GRAMD1B: variants seen among roughly 807,000 people sequenced by gnomAD.
The protein encoded by GRAMD1B is GRAM domain containing 1B.
GRAMD1B carries 37 observed loss-of-function variants against 99.7 expected under a neutral mutation model. That is an observed-to-expected ratio of 0.37 (90% CI 0.29 to 0.49). GRAMD1B has a LOEUF of 0.49. Among genes scored for constraint, GRAMD1B ranks in the 20% least tolerant of loss-of-function variants. The probability of loss-of-function intolerance (pLI) is 0.98; values close to 1 mark genes in which losing one functional copy is unlikely to be tolerated. For synonymous variants in GRAMD1B, 427 were observed against 387.6 expected, an observed-to-expected ratio of 1.10 and a Z score of -1.19; for missense variants, 888 against 1,009.2, an observed-to-expected ratio of 0.88 and a Z score of 1.63.
At chr11:123,458,006 A>G (rs1056722758) in intron 1 of GRAMD1B, among the ~76,000 whole-genome samples, 2 of 152,216 alleles carry the variant, frequency 1.3e-5, no homozygotes, top group African/African-American at 2.4e-5. Flanking sequence ...GTAAGCCACC[A>G]TGCCTGGCTG....
intron 1 of GRAMD1B, among the ~76,000 whole-genome samples, chr11:123,413,649 T>C (rs1478363701): frequency 6.6e-6 from 1 of 152,134 alleles, no homozygotes; most frequent in East Asian, 1.9e-4. Flanking sequence ...CTTCAACCCA[T>C]AGGTCTTCGC....
chr11:123,403,834 G>A (rs540925253), intron 1 of GRAMD1B, among the ~76,000 whole-genome samples: 153 of 152,150 alleles, frequency 1.0e-3, no homozygotes, highest in Non-Finnish European at 1.1e-3. Flanking sequence ...GTGAGCCACC[G>A]CGCCCGGCCT....
At position 123,594,820 on chromosome 11, in the gene GRAMD1B, C is replaced by T. The variant is rs1291804569; in HGVS notation, c.855C>T (p.Ile285=). 3.8e-6 allele frequency: 6 copies of T among 1,592,772 alleles called. No homozygotes were observed. Among genetic ancestry groups the T allele is most frequent in the Non-Finnish European group, 5.2e-6 (6 of 1,160,624 alleles). Residue 285 remains isoleucine, a synonymous_variant, in exon 6 of 20, where the codon ATC becomes ATT. Coordinates refer to ENST00000635736, the MANE Select transcript of GRAMD1B (RefSeq NM_001387025.1). ...SENWICFYSN[I]FRWETLLTVR... is the part of the protein sequence containing the mutation. ...ATTGGATCTGCTTCTACAGCAACATCTTCCGCTGGGAAACTCTGGTAAAGA... is the reference window on the plus strand; with the variant it reads ...ATTGGATCTGCTTCTACAGCAACATTTTCCGCTGGGAAACTCTGGTAAAGA...
intron 1 of GRAMD1B, among the ~76,000 whole-genome samples, chr11:123,402,488 G>C (rs991725471): frequency 7.2e-5 from 11 of 152,190 alleles, no homozygotes; most frequent in African/African-American, 2.2e-4. Context: ...CCGAGGGGCT[G>C]TTTCATTTAA....
chr11:123,599,759 C>T (rs1951725862), intron 7 of GRAMD1B, among the ~76,000 whole-genome samples: 1 of 152,230 alleles, frequency 6.6e-6, no homozygotes, highest in South Asian at 2.1e-4. Context: ...AGGCGTAAGC[C>T]ATGGCGCTCT....
intron 2 of GRAMD1B, chr11:123,559,604 T>C (rs1326790388): frequency 1.1e-6 from 1 of 911,442 alleles, no homozygotes; most frequent in Non-Finnish European, 1.3e-6. Context: ...AATACTGCAT[T>C]TCGGTGAATG....
chr11:123,361,781 G>T (rs1344525659), intron 1 of GRAMD1B, among the ~76,000 whole-genome samples: 1 of 152,090 alleles, frequency 6.6e-6, no homozygotes, highest in Admixed American at 6.5e-5. Flanking sequence ...ATACCTGGTG[G>T]GTCTGCATTG....
chr11:123,531,464 C>T (rs569424650), intron 2 of GRAMD1B, among the ~76,000 whole-genome samples: 1 of 152,312 alleles, frequency 6.6e-6, no homozygotes, highest in South Asian at 2.1e-4. Flanking sequence ...AAGAATGTAA[C>T]TTTGTAGCTG....
At chr11:123,424,204 C>A (rs1948562618) in intron 1 of GRAMD1B, among the ~76,000 whole-genome samples, 1 of 148,816 alleles carries the variant, frequency 6.7e-6, no homozygotes, top group African/African-American at 2.5e-5. Context: ...ATGCTGTCAC[C>A]AGAGTTGATG....
chr11:123,530,771 A>G (rs961588315), intron 2 of GRAMD1B, among the ~76,000 whole-genome samples: 2 of 152,180 alleles, frequency 1.3e-5, no homozygotes, highest in African/African-American at 4.8e-5. Flanking sequence ...CTTCCCAGCT[A>G]TGGAAACGTT....
chr11:123,490,555 A>T (rs1938435429), intron 2 of GRAMD1B, among the ~76,000 whole-genome samples: 1 of 152,228 alleles, frequency 6.6e-6, no homozygotes. Context: ...TACTGTATCC[A>T]AGCTAAGGAT....
intron 7 of GRAMD1B, chr11:123,598,341 T>C (rs1951540454): frequency 8.5e-7 from 1 of 1,177,470 alleles, no homozygotes; most frequent in Admixed American, 1.7e-5. Flanking sequence ...GTTCTCTTCA[T>C]CTTCACTCTA....
intron 2 of GRAMD1B, among the ~76,000 whole-genome samples, chr11:123,513,260 T>C (rs533975552): frequency 2.6e-5 from 4 of 152,368 alleles, no homozygotes; most frequent in East Asian, 3.9e-4. Context: ...GTCAGTCTTA[T>C]GACAACATTC....
chr11:123,577,343 C>G, intron 2 of GRAMD1B, 24 bp from the exon 3 acceptor site: 1 of 1,551,222 alleles, frequency 6.4e-7, no homozygotes, highest in South Asian at 1.2e-5. Context: ...CCACCCCGCT[C>G]CCTCTCTCCA....
intron 10 of GRAMD1B, among the ~76,000 whole-genome samples, chr11:123,606,382 T>C (rs1182471784): frequency 6.6e-6 from 1 of 152,204 alleles, no homozygotes; most frequent in Non-Finnish European, 1.5e-5. Context: ...GGGGAGCTTG[T>C]TGTGCTGTTG....
intron 10 of GRAMD1B, among the ~76,000 whole-genome samples, chr11:123,605,697 G>T (rs1952618728): frequency 1.3e-5 from 2 of 152,310 alleles, no homozygotes; most frequent in African/African-American, 4.8e-5. Context: ...GTACAAGACT[G>T]GGTTTGACTT....
At chr11:123,583,231 G>A (rs780710323) in intron 3 of GRAMD1B, among the ~76,000 whole-genome samples, 11 of 151,152 alleles carry the variant, frequency 7.3e-5, no homozygotes, top group Non-Finnish European at 1.3e-4. Flanking sequence ...TGGTGTGTAT[G>A]TGTGCATGTC....
intron 1 of GRAMD1B, among the ~76,000 whole-genome samples, chr11:123,439,444 G>A (rs189436401): frequency 1.4e-4 from 22 of 152,320 alleles, no homozygotes; most frequent in African/African-American, 5.1e-4. Context: ...TTCAGATATT[G>A]TCATATAGCT....
chr11:123,542,204 A>C (rs184188198), intron 2 of GRAMD1B, among the ~76,000 whole-genome samples: 2 of 152,296 alleles, frequency 1.3e-5, no homozygotes, highest in East Asian at 3.9e-4. Flanking sequence ...AACATTCCAC[A>C]TATGTCTTGG....
Sources: allele counts gnomAD v4.1 joint callset (sites outside exome capture counted in the v4.1 genomes callset), GRCh38; gene constraint gnomAD v4.1.1; transcripts MANE v1.5; gene names NCBI Gene and HGNC (gene_info 2026-07-23, HGNC 2026-07-21).